Variants in GLB1 observed in about 807,000 individuals in gnomAD.
GLB1 encodes the protein galactosidase beta 1.
A neutral mutation model predicts 74.0 loss-of-function variants in GLB1; 56 were observed. That is an observed-to-expected ratio of 0.76 (90% confidence interval 0.61 to 0.94). The LOEUF (loss-of-function observed/expected upper bound fraction) is 0.94. Among genes scored for constraint, GLB1 ranks in the 40% least tolerant of loss-of-function variants. The pLI, the probability that GLB1 is intolerant of heterozygous loss-of-function variation, is 0.00. For missense variants in GLB1, 787 were observed against 845.5 expected, an observed-to-expected ratio of 0.93 and a Z score of 0.86; for synonymous variants, 323 against 323.6, an observed-to-expected ratio of 1.00 and a Z score of 0.02.
intron 4 of GLB1, 130 bp downstream of exon 4, chr3:33,068,100 T>C (rs1699758391): frequency 7.5e-7 from 1 of 1,338,398 alleles, no homozygotes; most frequent in Non-Finnish European, 1.1e-6. Context: ...TTGGCCAGCC[T>C]GGTCTCGAAC....
intron 1 of GLB1, among the ~76,000 whole-genome samples, chr3:33,074,408 G>GAAAGAAAGAA (rs143322194): frequency 7.9e-5 from 9 of 113,650 alleles, no homozygotes; most frequent in African/African-American, 1.5e-4. Flanking sequence ...AAGAAAGAAA[G>GAAAGAAAGAA]AATATTACAC....
At chr3:33,041,645 A>G (rs1698505768) in intron 10 of GLB1, among the ~76,000 whole-genome samples, 1 of 147,686 alleles carries the variant, frequency 6.8e-6, no homozygotes, top group Admixed American at 6.8e-5. Flanking sequence ...TGGACAACAG[A>G]GTGAGACCCT....
chr3:33,000,552 C>T (rs986901190), intron 15 of GLB1, among the ~76,000 whole-genome samples: 1 of 152,034 alleles, frequency 6.6e-6, no homozygotes, highest in African/African-American at 2.4e-5. Context: ...TATGGTGAAA[C>T]CCTGTCTCTA....
At chr3:33,020,172 A>C (rs1697408565) in intron 12 of GLB1, among the ~76,000 whole-genome samples, 1 of 152,184 alleles carries the variant, frequency 6.6e-6, no homozygotes, top group Non-Finnish European at 1.5e-5. Flanking sequence ...CGTTCATGAA[A>C]CAGTGAATGT....
intron 9 of GLB1, among the ~76,000 whole-genome samples, chr3:33,049,429 A>AT (rs1163796037): frequency 6.6e-6 from 1 of 151,968 alleles, no homozygotes; most frequent in Admixed American, 6.6e-5. Flanking sequence ...ATTTTATTTT[A>AT]TTTTTGAGAC....
At chr3:33,080,392 A>G (rs1321342107) in intron 1 of GLB1, among the ~76,000 whole-genome samples, 7 of 151,626 alleles carry the variant, frequency 4.6e-5, no homozygotes, top group African/African-American at 1.2e-4. Flanking sequence ...AAAAGTTTTT[A>G]AAAACATGCC....
At chr3:32,965,319 G>A in the GLB1 span, among the ~76,000 whole-genome samples, 1 of 152,164 alleles carries the variant, frequency 6.6e-6, no homozygotes, top group Non-Finnish European at 1.5e-5. Flanking sequence ...ATAGTGATAT[G>A]GACAATAAAG....
intron 6 of GLB1, among the ~76,000 whole-genome samples, chr3:33,056,631 G>A (rs542143266): frequency 8.0e-4 from 121 of 152,070 alleles, no homozygotes; most frequent in African/African-American, 2.8e-3. Context: ...TGTAAGAATA[G>A]TACAAAAAAA....
chr3:33,068,094 C>T lies in GLB1; in HGVS notation c.457+136G>A, dbSNP rs1699757877. On this transcript the variant is annotated intron_variant, in intron 4 of 15. Coordinates refer to ENST00000307363, the MANE Select transcript of GLB1 (RefSeq NM_000404.4). ...TAGGGGCGAGGTTTTGCCATTTTGG[C>T]CAGCCTGGTCTCGAACTCCCAACCT... 3.9e-6 allele frequency: 5 copies of T among 1,283,018 alleles called. No homozygotes were observed. The South Asian group carries it at 6.1e-5, about 16-fold the overall frequency. The allele number at this position is 1,283,018 out of a possible 1,614,324, so 79.5% of individuals were successfully genotyped here.
chr3:32,981,446 A>G, the GLB1 span, among the ~76,000 whole-genome samples: 15,937 of 150,460 alleles, frequency 0.11, 1,093 homozygotes, highest in African/African-American at 0.19. Flanking sequence ...AAAAAAAGCA[A>G]AGGTCTTCTG....
At chr3:32,964,868 C>G in the GLB1 span, among the ~76,000 whole-genome samples, 2 of 152,180 alleles carry the variant, frequency 1.3e-5, no homozygotes, top group African/African-American at 4.8e-5. Context: ...TACTTTGAAT[C>G]ATGAGGTTAG....
intron 13 of GLB1, 45 bp downstream of exon 13, chr3:33,018,403 C>T: frequency 1.3e-6 from 2 of 1,593,390 alleles, no homozygotes; most frequent in Non-Finnish European, 1.7e-6. Flanking sequence ...CTGCTCATCC[C>T]CACCCTCACT....
the GLB1 span, among the ~76,000 whole-genome samples, chr3:32,970,243 C>A: frequency 6.6e-6 from 1 of 152,136 alleles, no homozygotes; most frequent in Admixed American, 6.5e-5. Flanking sequence ...GAACCGAACA[C>A]TCAAACGGCT....
chr3:33,035,967 T>C (rs1698258221), intron 10 of GLB1, among the ~76,000 whole-genome samples: 2 of 152,236 alleles, frequency 1.3e-5, no homozygotes, highest in Admixed American at 1.3e-4. Flanking sequence ...TAGGAGACAG[T>C]GTCACCTGTA....
At chr3:33,081,659 T>C (rs981831266) in intron 1 of GLB1, among the ~76,000 whole-genome samples, 8 of 152,184 alleles carry the variant, frequency 5.3e-5, no homozygotes, top group Non-Finnish European at 1.0e-4. Flanking sequence ...CTGGGGATGA[T>C]GAGGTTCTGG....
chr3:33,018,664 G>A (rs1697344735), intron 12 of GLB1, 103 bp from the exon 13 acceptor site: 3 of 1,289,904 alleles, frequency 2.3e-6, no homozygotes, highest in African/African-American at 3.0e-5. Flanking sequence ...CAAACCATAA[G>A]GAATGAAAAT....
chr3:33,067,235 T>G (rs1404452089), intron 4 of GLB1, among the ~76,000 whole-genome samples: 1 of 152,120 alleles, frequency 6.6e-6, no homozygotes, highest in East Asian at 1.9e-4. Context: ...ACTCCTGACC[T>G]CAGGTGATCC....
At chr3:33,017,216 T>C (rs1697269751) in intron 13 of GLB1, among the ~76,000 whole-genome samples, 1 of 152,138 alleles carries the variant, frequency 6.6e-6, no homozygotes, top group Non-Finnish European at 1.5e-5. Flanking sequence ...CTGAACAACA[T>C]GGAGAGATAA....
At chr3:32,994,873 A>G (rs900001202), downstream of GLB1, among the ~76,000 whole-genome samples, 8 of 150,634 alleles carry the variant, frequency 5.3e-5, no homozygotes, top group African/African-American at 2.0e-4. Flanking sequence ...GTGAGCCAAG[A>G]TCATGCCACT....
Sources: gnomAD v4.1 joint callset for allele counts (sites outside exome capture counted in the v4.1 genomes callset) on GRCh38, gnomAD v4.1.1 for gene constraint, MANE v1.5 for transcripts, NCBI Gene and HGNC (gene_info 2026-07-23, HGNC 2026-07-21) for gene names.